CACNA2D3: variants seen among roughly 807,000 people sequenced by gnomAD.
The protein encoded by CACNA2D3 is voltage-dependent calcium channel subunit alpha-2/delta-3.
A neutral mutation model predicts 160.6 loss-of-function variants in CACNA2D3; 60 were observed. That is an observed-to-expected ratio of 0.37 (90% CI 0.30 to 0.46). CACNA2D3 has a LOEUF of 0.46. Ranked by LOEUF, CACNA2D3 falls within the 20% of genes least tolerant of loss-of-function variation. CACNA2D3 has a pLI of 1.00. For missense variants in CACNA2D3, 1,205 were observed against 1,365.0 expected, an observed-to-expected ratio of 0.88 and a Z score of 1.85; for synonymous variants, 558 against 492.9, an observed-to-expected ratio of 1.13 and a Z score of -1.75.
chr3:55,040,907 C>G (rs1426587698), intron 35 of CACNA2D3, among the ~76,000 whole-genome samples: 1 of 152,158 alleles, frequency 6.6e-6, no homozygotes, highest in African/African-American at 2.4e-5. Flanking sequence ...TTTTCTCTCT[C>G]TCCTAATAGG....
At position 54,821,697 on chromosome 3, in the gene CACNA2D3, T is replaced by TTTCTTTCCTTCCTTCCTTCC. The variant is rs753240626; in HGVS notation, c.1398+4830_1398+4831insTTTCCTTCCTTCCTTCCTTC. On this transcript the variant is annotated intron_variant, in intron 14 of 37. Coordinates refer to ENST00000474759, the MANE Select transcript of CACNA2D3 (RefSeq NM_018398.3). ...CTTTCTTTCTTTCTTTCTTTCTTTC[T>TTTCTTTCCTTCCTTCCTTCC]TTCCTTCCTTCCTTCTTTCCTCTCT... 2.0e-4 allele frequency among the ~76,000 whole-genome samples: 17 copies of TTTCTTTCCTTCCTTCCTTCC among 84,136 alleles called. No homozygotes were observed. The East Asian group carries it at 2.9e-3, about 15-fold the overall frequency. The allele number at this position is 84,136 out of a possible 152,430, so 55.2% of individuals were successfully genotyped here. A position where few individuals can be genotyped will look rare whatever the true frequency, so the allele number is the denominator to read the frequency against.
At chr3:54,648,172 C>T (rs1170702600) in intron 11 of CACNA2D3, among the ~76,000 whole-genome samples, 26 of 152,202 alleles carry the variant, frequency 1.7e-4, no homozygotes, top group Non-Finnish European at 1.5e-5. Flanking sequence ...AACTGTGGTC[C>T]ATGTGCCAAA....
intron 31 of CACNA2D3, among the ~76,000 whole-genome samples, chr3:54,991,329 T>A (rs1184499986): frequency 6.6e-6 from 1 of 151,986 alleles, no homozygotes; most frequent in Non-Finnish European, 1.5e-5. Flanking sequence ...TTCAAGCGAT[T>A]CTTCTGCCTC....
intron 2 of CACNA2D3, among the ~76,000 whole-genome samples, chr3:54,281,431 C>T (rs995105226): frequency 1.4e-4 from 21 of 152,118 alleles, no homozygotes; most frequent in African/African-American, 3.9e-4. Flanking sequence ...GGTGAACCCT[C>T]CCGGTGGCAG....
chr3:54,773,594 C>G (rs1207924903), intron 13 of CACNA2D3, among the ~76,000 whole-genome samples: 2 of 152,206 alleles, frequency 1.3e-5, no homozygotes, highest in African/African-American at 4.8e-5. Context: ...TGACACTTCA[C>G]TTCTGGCCCC....
At chr3:54,215,367 C>G (rs186766462) in intron 2 of CACNA2D3, among the ~76,000 whole-genome samples, 1 of 152,164 alleles carries the variant, frequency 6.6e-6, no homozygotes, top group South Asian at 2.1e-4. Context: ...ACTGTTACAG[C>G]GTTTTTAAAG....
rs576271257 is a variant in CACNA2D3, at chr3:54,267,183, A to T, written c.205-53259A>T. 4.2e-4 allele frequency among the ~76,000 whole-genome samples: 64 copies of T among 152,300 alleles called. 1 individual carries two copies. The highest frequency in any genetic ancestry group is 8.3e-4 in the South Asian group (4 of 4,826). On this transcript the variant is annotated intron_variant, in intron 2 of 37. Transcript: ENST00000474759. ...AAATAATAGAAGTTTGAGAAACAATAGTTTTGTGTACTCATTTGTACTCAG... is the reference window on the plus strand; with the variant it reads ...AAATAATAGAAGTTTGAGAAACAATTGTTTTGTGTACTCATTTGTACTCAG...
chr3:54,518,213 C>G (rs931838239), intron 5 of CACNA2D3, among the ~76,000 whole-genome samples: 16 of 152,138 alleles, frequency 1.1e-4, no homozygotes, highest in African/African-American at 3.1e-4. Flanking sequence ...GTCCCATCCC[C>G]GCTCCTCCCT....
At chr3:54,177,955 C>T (rs189039919) in intron 2 of CACNA2D3, 11 of 152,200 alleles carry the variant, frequency 7.2e-5, no homozygotes, top group Non-Finnish European at 1.2e-4. Context: ...CTTATTTCCA[C>T]GGATCTGTCA....
intron 2 of CACNA2D3, among the ~76,000 whole-genome samples, chr3:54,215,566 C>G (rs905280660): frequency 3.3e-5 from 5 of 152,146 alleles, no homozygotes; most frequent in African/African-American, 1.2e-4. Context: ...TCTTTGTTCT[C>G]TGGGTTTGCC....
chr3:54,617,302 C>T (rs1164500230), intron 9 of CACNA2D3, among the ~76,000 whole-genome samples: 1 of 152,172 alleles, frequency 6.6e-6, no homozygotes, highest in East Asian at 1.9e-4. Flanking sequence ...CTTATCTGTC[C>T]AGCACCTCTC....
intron 17 of CACNA2D3, among the ~76,000 whole-genome samples, chr3:54,856,850 G>T (rs1699183393): frequency 6.6e-6 from 1 of 152,052 alleles, no homozygotes; most frequent in Admixed American, 6.5e-5. Context: ...GCACAATCTC[G>T]GCTCACTGCA....
intron 35 of CACNA2D3, among the ~76,000 whole-genome samples, chr3:55,049,265 C>T (rs972116502): frequency 1.5e-4 from 23 of 148,422 alleles, no homozygotes; most frequent in African/African-American, 5.1e-4. Flanking sequence ...CCTCTACACA[C>T]TGCTTTGAAT....
At position 54,189,530 on chromosome 3, in the gene CACNA2D3, C is replaced by T. The variant is rs987886042; in HGVS notation, c.204+65936C>T. ...GAGATCTAGAGCCCAGGAGGTAGGA[C>T]GGCAGGGTCATCACCATGTGGTGCT... On this transcript the variant is annotated intron_variant, in intron 2 of 37. Coordinates refer to ENST00000474759, the MANE Select transcript of CACNA2D3 (RefSeq NM_018398.3). Among the ~76,000 whole-genome samples, 5 of 152,060 alleles carry T rather than the reference C, an allele frequency of 3.3e-5. No homozygotes were observed. In the South Asian group the frequency reaches 6.2e-4, roughly 19 times the overall value.
Position 54,386,704 on chromosome 3 carries a change from T to TTTTTTC in CACNA2D3, c.322-6_322-5insCTTTTT. 1 of 1,525,536 alleles carries TTTTTTC rather than the reference T, an allele frequency of 6.6e-7. No homozygotes were observed. Among genetic ancestry groups the TTTTTTC allele is most frequent in the African/African-American group, 1.4e-5 (1 of 71,722 alleles). The allele number at this position is 1,525,536 out of a possible 1,614,324, so 94.5% of individuals were successfully genotyped here. On this transcript the variant is annotated splice_polypyrimidine_tract_variant and intron_variant, in intron 3 of 37. Transcript: ENST00000474759. ...TTAATGCTGTCTTCTGTTTTTTTTT[T>TTTTTTC]TTTTTTTTAGCGTCTGGTGGAGGCT... is the stretch of plus-strand genomic sequence containing the variant.
intron 12 of CACNA2D3, among the ~76,000 whole-genome samples, chr3:54,763,493 A>G (rs918224082): frequency 1.3e-5 from 2 of 151,894 alleles, no homozygotes; most frequent in Non-Finnish European, 2.9e-5. Context: ...TTTAATTTTT[A>G]TGGTTCCTAG....
chr3:54,849,933 A>C (rs926585667), intron 17 of CACNA2D3, among the ~76,000 whole-genome samples: 1 of 152,154 alleles, frequency 6.6e-6, no homozygotes, highest in African/African-American at 2.4e-5. Context: ...CCTGAACTTA[A>C]TGTTTGGCTT....
intron 5 of CACNA2D3, among the ~76,000 whole-genome samples, chr3:54,560,528 G>C (rs938498812): frequency 6.6e-6 from 1 of 152,142 alleles, no homozygotes; most frequent in African/African-American, 2.4e-5. Flanking sequence ...TATTCTGTAG[G>C]TTGTCTGTTG....
chr3:54,963,593 G>A (rs1559646955), intron 27 of CACNA2D3, among the ~76,000 whole-genome samples: 1 of 152,190 alleles, frequency 6.6e-6, no homozygotes, highest in Admixed American at 6.5e-5. Context: ...GAGCATTCAA[G>A]GTCAGCTGCC....
Sources: gnomAD v4.1 joint callset for allele counts (sites outside exome capture counted in the v4.1 genomes callset) on GRCh38, gnomAD v4.1.1 for gene constraint, MANE v1.5 for transcripts, NCBI Gene and HGNC (gene_info 2026-07-23, HGNC 2026-07-21) for gene names.